FNIP1: variants seen among roughly 807,000 people sequenced by gnomAD.
FNIP1 encodes the protein folliculin-interacting protein 1.
In FNIP1, 40 loss-of-function variants were observed where a neutral mutation model predicts 124.5. That is an observed-to-expected ratio of 0.32 (90% confidence interval 0.25 to 0.42). The LOEUF is 0.42. Ranked by LOEUF, FNIP1 falls within the 10% of genes least tolerant of loss-of-function variation. The probability of loss-of-function intolerance (pLI) is 1.00; values close to 1 mark genes in which losing one functional copy is unlikely to be tolerated. For missense variants in FNIP1, 1,176 were observed against 1,403.7 expected, an observed-to-expected ratio of 0.84 and a Z score of 2.59; for synonymous variants, 472 against 470.6, an observed-to-expected ratio of 1.00 and a Z score of -0.04.
chr5:131,669,033 A>G (rs529773630), intron 15 of FNIP1, among the ~76,000 whole-genome samples: 2 of 152,366 alleles, frequency 1.3e-5, no homozygotes, highest in South Asian at 2.1e-4. Flanking sequence ...GGACATCACT[A>G]GCAACCTTAT....
chr5:131,739,832 A>AAAAAAAC (rs1770453900), intron 2 of FNIP1, among the ~76,000 whole-genome samples: 1 of 149,552 alleles, frequency 6.7e-6, no homozygotes, highest in African/African-American at 2.5e-5. Flanking sequence ...AAAAAAAAAA[A>AAAAAAAC]AAAAACACTG....
At chr5:131,763,288 T>TACAC (rs34544569) in intron 1 of FNIP1, among the ~76,000 whole-genome samples, 13,900 of 148,260 alleles carry the variant, frequency 0.094, 806 homozygotes, top group East Asian at 0.25. Flanking sequence ...CAAATGCAAA[T>TACAC]ACACACACAC....
intron 2 of FNIP1, among the ~76,000 whole-genome samples, chr5:131,741,765 T>C (rs894211930): frequency 6.6e-6 from 1 of 152,238 alleles, no homozygotes; most frequent in Non-Finnish European, 1.5e-5. Context: ...CAATGACTAT[T>C]TTTTAACGCT....
intron 11 of FNIP1, among the ~76,000 whole-genome samples, chr5:131,690,956 G>A (rs939614611): frequency 2.0e-5 from 3 of 152,100 alleles, no homozygotes; most frequent in African/African-American, 7.2e-5. Context: ...TCCATCAGGC[G>A]GAAAATTAGT....
chr5:131,724,319 C>A (rs1769781181), intron 3 of FNIP1, among the ~76,000 whole-genome samples: 1 of 152,164 alleles, frequency 6.6e-6, no homozygotes, highest in Non-Finnish European at 1.5e-5. Context: ...AATTTACACT[C>A]CCACCAACAG....
chr5:131,779,038 C>T (rs1771907302), intron 1 of FNIP1, among the ~76,000 whole-genome samples: 1 of 132,006 alleles, frequency 7.6e-6, no homozygotes, highest in African/African-American at 2.9e-5. Context: ...GGAGATATAC[C>T]TAATGCTAGA....
chr5:131,644,656 C>T lies in FNIP1; in HGVS notation c.*29G>A. 6.3e-7 allele frequency: 1 copy of T among 1,594,426 alleles called. No homozygotes were observed. The highest frequency in any genetic ancestry group is 8.6e-7 in the Non-Finnish European group (1 of 1,163,084). On this transcript the variant is annotated 3_prime_UTR_variant, in exon 18 of 18. Transcript: ENST00000510461. ...GCTTCCTTGGTTTCTACCTATTTTC[C>T]CACCAATTTCTAACAATTTTTAGGT...
chr5:131,756,857 G>A (rs1054593431), intron 1 of FNIP1, among the ~76,000 whole-genome samples: 2 of 152,172 alleles, frequency 1.3e-5, no homozygotes, highest in Non-Finnish European at 2.9e-5. Context: ...CCCAAGAAAA[G>A]CAAAAGGACT....
intron 15 of FNIP1, among the ~76,000 whole-genome samples, chr5:131,667,910 T>C (rs1159544865): frequency 6.6e-6 from 1 of 152,196 alleles, no homozygotes; most frequent in East Asian, 1.9e-4. Flanking sequence ...TATTAACTTT[T>C]TAAATTGAGA....
intron 16 of FNIP1, among the ~76,000 whole-genome samples, chr5:131,648,194 A>AAT (rs1293916798): frequency 6.7e-6 from 1 of 149,472 alleles, no homozygotes; most frequent in Non-Finnish European, 1.5e-5. Flanking sequence ...AAAAAAAAAA[A>AAT]GAATTAGCCG....
rs182498468 is a variant in FNIP1, at chr5:131,658,423, C to G, written c.3109-6424G>C. On this transcript the variant is annotated intron_variant, in intron 15 of 17. Transcript: ENST00000510461. ...AAGCTAACTTCGGAAGACATTTAGG[C>G]TACAGCTTTTTGTTTTTTTTTAAGG... 2.6e-4 allele frequency among the ~76,000 whole-genome samples: 40 copies of G among 152,082 alleles called. No individual in the cohort carries two copies. In the East Asian group the frequency reaches 7.4e-3, roughly 28 times the overall value.
chr5:131,759,177 C>T (rs550061520), intron 1 of FNIP1, among the ~76,000 whole-genome samples: 2 of 152,128 alleles, frequency 1.3e-5, no homozygotes, highest in East Asian at 1.9e-4. Flanking sequence ...ATACCCTTCT[C>T]GACATTGGCC....
intron 4 of FNIP1, 92 bp from the exon 5 acceptor site, chr5:131,719,152 T>G: frequency 2.3e-6 from 3 of 1,296,186 alleles, no homozygotes; most frequent in Non-Finnish European, 3.3e-6. Flanking sequence ...TCACAGAGGT[T>G]TCACAGCATA....
chr5:131,718,841 A>C, intron 5 of FNIP1, 145 bp downstream of exon 5: 1 of 561,382 alleles, frequency 1.8e-6, no homozygotes, highest in Non-Finnish European at 3.2e-6. Flanking sequence ...CTCAATTAAG[A>C]GTGAAATCTG....
At chr5:131,792,738 G>A (rs1772449245) in intron 1 of FNIP1, among the ~76,000 whole-genome samples, 1 of 152,100 alleles carries the variant, frequency 6.6e-6, no homozygotes, top group Non-Finnish European at 1.5e-5. Context: ...AAAAAGTACT[G>A]TATAAATTAT....
chr5:131,781,399 C>G (rs1041115670), intron 1 of FNIP1, among the ~76,000 whole-genome samples: 4 of 152,186 alleles, frequency 2.6e-5, no homozygotes, highest in African/African-American at 9.7e-5. Flanking sequence ...ACTTCCATAG[C>G]CAGACAGGAG....
At chr5:131,678,889 TTTAA>T (rs1238121105) in intron 12 of FNIP1, 136 bp downstream of exon 12, 5 of 613,560 alleles carry the variant, frequency 8.1e-6, no homozygotes, top group African/African-American at 3.8e-5. Context: ...TACCCTATCA[TTTAA>T]TTATTTTTTA....
chr5:131,757,823 T>C (rs1771098073), intron 1 of FNIP1, among the ~76,000 whole-genome samples: 1 of 152,190 alleles, frequency 6.6e-6, no homozygotes, highest in Non-Finnish European at 1.5e-5. Context: ...TAGGAATGTC[T>C]AAAGCAGAGA....
At chr5:131,785,623 T>C (rs904221912) in intron 1 of FNIP1, among the ~76,000 whole-genome samples, 3 of 152,118 alleles carry the variant, frequency 2.0e-5, no homozygotes, top group African/African-American at 7.2e-5. Context: ...AGTTCCATGA[T>C]TGGAACTGAT....
Sources: gnomAD v4.1 joint callset for allele counts (sites outside exome capture counted in the v4.1 genomes callset) on GRCh38, gnomAD v4.1.1 for gene constraint, MANE v1.5 for transcripts, NCBI Gene and HGNC (gene_info 2026-07-23, HGNC 2026-07-21) for gene names.